The following ATP2B2 variants were observed in gnomAD, a reference collection of about 807,000 sequenced individuals.
ATP2B2 encodes the protein ATPase plasma membrane Ca2+ transporting 2, also known as plasma membrane calcium-transporting ATPase 2.
In ATP2B2, 15 loss-of-function variants were observed where a neutral mutation model predicts 120.0. The observed-to-expected ratio is 0.12, with a 90% CI of 0.08 to 0.19. ATP2B2 has a LOEUF of 0.19. ATP2B2 is among the 10% of genes least tolerant of loss of function. ATP2B2 has a pLI of 1.00. For missense variants in ATP2B2, 1,045 were observed against 1,719.8 expected (o/e 0.61, Z 6.94); for synonymous variants, 694 against 700.3 (o/e 0.99, Z 0.14).
chr3:10,610,023 T>C (rs1459022540), intron 2 of ATP2B2, among the ~76,000 whole-genome samples: 1 of 152,022 alleles, frequency 6.6e-6, no homozygotes, highest in African/African-American at 2.4e-5. Context: ...TGCTCCTTCC[T>C]GTTTCTCTTT....
intron 2 of ATP2B2, among the ~76,000 whole-genome samples, chr3:10,598,005 G>T (rs67101933): frequency 6.6e-6 from 1 of 152,064 alleles, no homozygotes; most frequent in Non-Finnish European, 1.5e-5. Context: ...TTGGGCTACT[G>T]GGGGGCAGGA....
At chr3:10,610,881 A>T (rs4684721) in intron 2 of ATP2B2, among the ~76,000 whole-genome samples, 135,000 of 151,922 alleles carry the variant, frequency 0.89, 60,024 homozygotes, top group Middle Eastern at 0.96. Context: ...TGGCATGCCA[A>T]GAGACTGTGT....
intron 14 of ATP2B2, among the ~76,000 whole-genome samples, chr3:10,356,377 G>A (rs536466530): frequency 6.6e-6 from 1 of 152,304 alleles, no homozygotes; most frequent in Admixed American, 6.5e-5. Context: ...TGTTAGTGAC[G>A]TGAAATTTGT....
intron 4 of ATP2B2, 41 bp from the exon 5 acceptor site, chr3:10,401,119 T>TG (rs1559288268): frequency 6.2e-7 from 1 of 1,611,298 alleles, no homozygotes; most frequent in East Asian, 2.2e-5. Context: ...GGCTCTCAGG[T>TG]GACTAGAGGG....
At chr3:10,645,794 T>C (rs2070306790) in intron 1 of ATP2B2, among the ~76,000 whole-genome samples, 1 of 152,212 alleles carries the variant, frequency 6.6e-6, no homozygotes, top group Non-Finnish European at 1.5e-5. Context: ...GGGTGATAAT[T>C]GGGTTCCCTT....
chr3:10,542,586 A>G (rs1168062334), intron 2 of ATP2B2, among the ~76,000 whole-genome samples: 1 of 152,130 alleles, frequency 6.6e-6, no homozygotes, highest in Non-Finnish European at 1.5e-5. Flanking sequence ...TTTCTCCTTC[A>G]TTTTTGAAAA....
At position 10,347,413 on chromosome 3, in the gene ATP2B2, G is replaced by A. The variant is rs975142592; in HGVS notation, c.2405-1276C>T. On this transcript the variant is annotated intron_variant, in intron 16 of 22. Coordinates refer to ENST00000360273, the MANE Select transcript of ATP2B2 (RefSeq NM_001001331.4). The surrounding 1 kb of genome is among the most constrained non-coding windows in gnomAD (Gnocchi z 5.2). ...ACTCTATGTGCTGCTCCATCCTTGC[G>A]CATCTCTCTGCTCTGTGCCTAGCAG... Among the ~76,000 whole-genome samples the A allele has an allele frequency of 1.3e-5, 2 of 152,268 alleles. No individual in the cohort carries two copies. The highest frequency in any genetic ancestry group is 1.5e-5 in the Non-Finnish European group (1 of 68,026).
chr3:10,375,680 G>C lies in ATP2B2; in HGVS notation c.1202-36C>G. ...AGGGACACATGCTTGGGGGGTTCCA[G>C]GAAGTGGAGGCTGGGGGTGGTGTGG... On this transcript the variant is annotated intron_variant, in intron 10 of 22. Coordinates refer to ENST00000360273, the MANE Select transcript of ATP2B2 (RefSeq NM_001001331.4). This position sits in a 1 kb window ranked among gnomAD's most constrained non-coding sequence, Gnocchi z 4.2. 1 of 1,593,352 alleles carries C rather than the reference G, an allele frequency of 6.3e-7. No individual in the cohort carries two copies.
chr3:10,586,589 G>C (rs2068514984), intron 2 of ATP2B2, among the ~76,000 whole-genome samples: 1 of 152,156 alleles, frequency 6.6e-6, no homozygotes, highest in African/African-American at 2.4e-5. Context: ...GAACCTCTGA[G>C]GTTCCTCGAG....
chr3:10,447,951 A>C (rs2063897247), intron 2 of ATP2B2, among the ~76,000 whole-genome samples: 1 of 152,244 alleles, frequency 6.6e-6, no homozygotes, highest in Non-Finnish European at 1.5e-5. Flanking sequence ...GGGAAGAAGA[A>C]CCAGTTTTAG....
At chr3:10,624,285 G>A (rs969143364) in intron 1 of ATP2B2, among the ~76,000 whole-genome samples, 3 of 152,158 alleles carry the variant, frequency 2.0e-5, no homozygotes, top group African/African-American at 4.8e-5. Flanking sequence ...TAAGTCTAAC[G>A]TGTGGAATTT....
intron 5 of ATP2B2, 46 bp from the exon 6 acceptor site, chr3:10,388,448 C>T (rs200540629): frequency 1.2e-5 from 19 of 1,613,534 alleles, no homozygotes; most frequent in East Asian, 6.7e-5. Flanking sequence ...TGGTTGAAGC[C>T]GTCTCCCCAA....
chr3:10,599,496 G>C (rs912301474), intron 2 of ATP2B2, among the ~76,000 whole-genome samples: 1 of 152,106 alleles, frequency 6.6e-6, no homozygotes, highest in Non-Finnish European at 1.5e-5. Flanking sequence ...CACCTGGATT[G>C]AGAGCCCCTG....
At chr3:10,535,732 C>A (rs28772948) in intron 2 of ATP2B2, among the ~76,000 whole-genome samples, 34,076 of 151,944 alleles carry the variant, frequency 0.22, 5,020 homozygotes, top group East Asian at 0.61. Flanking sequence ...GTAGTATTCC[C>A]TACGTGGATG....
chr3:10,415,453 C>A (rs1174439091), intron 2 of ATP2B2, among the ~76,000 whole-genome samples: 1 of 152,168 alleles, frequency 6.6e-6, no homozygotes, highest in African/African-American at 2.4e-5. Flanking sequence ...CACTTCTCTT[C>A]TCTGGGCCTC....
chr3:10,361,934 A>G (rs1304865556), intron 12 of ATP2B2, among the ~76,000 whole-genome samples: 3 of 152,164 alleles, frequency 2.0e-5, no homozygotes, highest in Non-Finnish European at 4.4e-5. Context: ...AGATGCCTCC[A>G]TATGGGCACT....
At chr3:10,568,264 G>A (rs543070989) in intron 2 of ATP2B2, among the ~76,000 whole-genome samples, 12 of 152,270 alleles carry the variant, frequency 7.9e-5, no homozygotes, top group African/African-American at 2.6e-4. Flanking sequence ...CCTGGACCCC[G>A]GTACTGTGAA....
At chr3:10,373,944 T>C (rs1332821679) in intron 11 of ATP2B2, among the ~76,000 whole-genome samples, 1 of 152,094 alleles carries the variant, frequency 6.6e-6, no homozygotes, top group Non-Finnish European at 1.5e-5. Context: ...CTGATCTAAG[T>C]GGTCAGTCAT....
chr3:10,622,491 A>G (rs559991325), intron 1 of ATP2B2, among the ~76,000 whole-genome samples: 2 of 152,218 alleles, frequency 1.3e-5, no homozygotes, highest in East Asian at 3.9e-4. Context: ...TGAAATTGGA[A>G]AAATCCCCTG....
Sources: gnomAD v4.1 joint callset for allele counts (sites outside exome capture counted in the v4.1 genomes callset) on GRCh38, gnomAD v4.1.1 for gene constraint, Gnocchi (gnomAD v3.1) non-coding constraint, MANE v1.5 for transcripts, NCBI Gene and HGNC (gene_info 2026-07-23, HGNC 2026-07-21) for gene names.